ADCY7: variants seen among roughly 807,000 people sequenced by gnomAD.
ADCY7 encodes adenylate cyclase 7, also known as adenylate cyclase type 7.
ADCY7 carries 72 observed loss-of-function variants against 120.6 expected under a neutral mutation model. That is an observed-to-expected ratio of 0.60 (90% CI 0.49 to 0.73). ADCY7 has a LOEUF of 0.73. Ranked by LOEUF, ADCY7 falls within the 30% of genes least tolerant of loss-of-function variation. The pLI is 0.00. For synonymous variants in ADCY7, 661 were observed against 628.0 expected (o/e 1.05, Z -0.78); for missense variants, 1,227 against 1,486.0 (o/e 0.83, Z 2.87).
At chr16:50,313,744 G>A (rs985476963) in intron 22 of ADCY7, 8 of 571,254 alleles carry the variant, frequency 1.4e-5, no homozygotes, top group Admixed American at 9.3e-5. Flanking sequence ...GAGGGAGACA[G>A]TGTGGGGACG....
intron 1 of ADCY7, among the ~76,000 whole-genome samples, chr16:50,282,460 A>T (rs9940842): frequency 6.6e-6 from 1 of 152,164 alleles, no homozygotes; most frequent in Non-Finnish European, 1.5e-5. Context: ...GGGATAAGGG[A>T]GTGTGTGTGG....
Position 50,315,509 on chromosome 16 carries a change from C to A in ADCY7, c.*4C>A. The A allele has an allele frequency of 2.5e-6, 4 of 1,602,874 alleles. No individual in the cohort carries two copies. The highest frequency in any genetic ancestry group is 3.4e-6 in the Non-Finnish European group (4 of 1,170,548). ...TCAGGGGCTGGGGCTGAACTGAGGG[C>A]TCCTGCTGGATTCCGAAAAGGCCGG... On this transcript the variant is annotated 3_prime_UTR_variant, in exon 26 of 26. Coordinates refer to ENST00000673801, the MANE Select transcript of ADCY7 (RefSeq NM_001114.5).
At chr16:50,292,468 C>G in intron 4 of ADCY7, 1 of 599,654 alleles carries the variant, frequency 1.7e-6, no homozygotes, top group South Asian at 2.1e-5. Context: ...CCCTGGGTGT[C>G]CTGGTCTTGC....
At chr16:50,313,516 T>G in intron 22 of ADCY7, 1 of 187,080 alleles carries the variant, frequency 5.3e-6, no homozygotes, top group Non-Finnish European at 1.1e-5. Context: ...TTCATTCTGT[T>G]TTATGCAGCA....
In ADCY7 at chr16:50,304,413, G is replaced by A. The variant is rs987369280; in HGVS notation, c.1422G>A (p.Ala474=). The A allele has an allele frequency of 2.5e-6, 4 of 1,594,984 alleles. No individual in the cohort carries two copies. The highest frequency in any genetic ancestry group is 1.7e-5 in the Admixed American group (1 of 57,464). ...ACCTCCCCAGGCCCAAGGGGGACGC[G>A]GCCCTGAAGATGCGGGCGTCAGTGC... The part of the protein sequence containing the change: ...SQHLPRPKGD[A]ALKMRASVRM... The change falls in exon 11 of 26, where the codon GCG becomes GCA. Residue 474 remains alanine, a synonymous_variant. Coordinates refer to ENST00000673801, the MANE Select transcript of ADCY7 (RefSeq NM_001114.5).
At chr16:50,253,364 T>A (rs1471643892) in intron 1 of ADCY7, among the ~76,000 whole-genome samples, 1 of 152,194 alleles carries the variant, frequency 6.6e-6, no homozygotes, top group East Asian at 1.9e-4. Context: ...GATTCTCCTG[T>A]CTCAGCTTCC....
chr16:50,270,637 G>A (rs2033507205), intron 1 of ADCY7, among the ~76,000 whole-genome samples: 2 of 152,200 alleles, frequency 1.3e-5, no homozygotes, highest in South Asian at 2.1e-4. Flanking sequence ...GTGGGAGATT[G>A]GACCTCCCTG....
intron 1 of ADCY7, among the ~76,000 whole-genome samples, chr16:50,281,698 TG>T (rs1402262175): frequency 6.6e-6 from 1 of 151,996 alleles, no homozygotes; most frequent in Non-Finnish European, 1.5e-5. Flanking sequence ...GAGCAGGGCA[TG>T]GGGGCCACAG....
intron 1 of ADCY7, among the ~76,000 whole-genome samples, chr16:50,249,423 C>T (rs116897717): frequency 1.4e-4 from 21 of 150,888 alleles, no homozygotes; most frequent in Admixed American, 2.7e-4. Flanking sequence ...TTGCTCTGGG[C>T]GACAGAGCAA....
Position 50,315,825 on chromosome 16 carries a change from T to C in ADCY7, c.*320T>C, listed in dbSNP as rs1163547688. On this transcript the variant is annotated 3_prime_UTR_variant, in exon 26 of 26. Coordinates refer to ENST00000673801, the MANE Select transcript of ADCY7 (RefSeq NM_001114.5). ...CCCTGAGGTGCCAGGCAGGCAACTT[T>C]AGCACATGATGAAAACAGACTTCCA... 9 of 276,274 alleles carry C rather than the reference T, an allele frequency of 3.3e-5. No homozygotes were observed. The highest frequency in any genetic ancestry group is 5.7e-5 in the Non-Finnish European group (8 of 139,792). The allele number at this position is 276,274 out of a possible 1,614,324, so 17.1% of individuals were successfully genotyped here. A position where few individuals can be genotyped will look rare whatever the true frequency, so the allele number is the denominator to read the frequency against.
intron 20 of ADCY7, 53 bp downstream of exon 20, chr16:50,311,839 C>A: frequency 7.3e-7 from 1 of 1,366,796 alleles, no homozygotes. Flanking sequence ...TTTTCCTCAC[C>A]TCCATCTGGA....
upstream of ADCY7, among the ~76,000 whole-genome samples, chr16:50,265,871 G>A (rs763101331): frequency 2.6e-5 from 4 of 152,192 alleles, no homozygotes; most frequent in South Asian, 2.1e-4. Context: ...CTGCTCCCTC[G>A]CCACTGAGCG....
chr16:50,300,215 C>G (rs1488128851), intron 8 of ADCY7, among the ~76,000 whole-genome samples: 1 of 152,154 alleles, frequency 6.6e-6, no homozygotes, highest in Non-Finnish European at 1.5e-5. Context: ...GGACTACAGG[C>G]GCCTGCTACC....
intron 15 of ADCY7, 70 bp from the exon 16 acceptor site, chr16:50,308,257 A>G (rs1354143134): frequency 6.2e-7 from 1 of 1,613,410 alleles, no homozygotes; most frequent in African/African-American, 1.3e-5. Context: ...TGTGAGCCAG[A>G]GGATTGGTGG....
intron 1 of ADCY7, among the ~76,000 whole-genome samples, chr16:50,252,710 T>G (rs922769200): frequency 2.0e-5 from 3 of 151,854 alleles, no homozygotes; most frequent in Non-Finnish European, 4.4e-5. Context: ...GAAGCCAGAG[T>G]TTCTGCCTCC....
At chr16:50,255,402 G>GGAAAAAA (rs368044444) in intron 1 of ADCY7, among the ~76,000 whole-genome samples, 4 of 108,142 alleles carry the variant, frequency 3.7e-5, no homozygotes, top group African/African-American at 1.5e-4. Context: ...TCTGTTTCTG[G>GGAAAAAA]AAAAAAAAAA....
intron 14 of ADCY7, 23 bp from the exon 15 acceptor site, chr16:50,307,027 C>T: frequency 6.3e-7 from 1 of 1,596,954 alleles, no homozygotes. Context: ...GTGGCCACCC[C>T]TCACAGTCCC....
intron 16 of ADCY7, 94 bp downstream of exon 16, chr16:50,308,505 C>G (rs2036232390): frequency 6.3e-7 from 1 of 1,584,298 alleles, no homozygotes; most frequent in Non-Finnish European, 8.6e-7. Flanking sequence ...GGGCTGAGCC[C>G]CTGCTCTGGT....
chr16:50,300,079 CTTTATTTATTTA>C (rs548025788), intron 8 of ADCY7, among the ~76,000 whole-genome samples: 31 of 151,982 alleles, frequency 2.0e-4, no homozygotes, highest in Non-Finnish European at 2.1e-4. Context: ...CGCCAGTAAA[CTTTATTTATTTA>C]TTTATTTATT....
Sources: gnomAD v4.1 joint callset for allele counts (sites outside exome capture counted in the v4.1 genomes callset) on GRCh38, gnomAD v4.1.1 for gene constraint, MANE v1.5 for transcripts, NCBI Gene and HGNC (gene_info 2026-07-23, HGNC 2026-07-21) for gene names.